Variants in RANBP17 observed in about 807,000 individuals in gnomAD.
The protein encoded by RANBP17 is RAN binding protein 17.
In RANBP17, 158 loss-of-function variants were observed where a neutral mutation model predicts 141.2. That is an observed-to-expected ratio of 1.12 (90% CI 0.98 to 1.28). RANBP17 has a LOEUF of 1.28. RANBP17 is among the 50% of genes most tolerant of loss of function. RANBP17 has a pLI of 0.00. For synonymous variants in RANBP17, 430 were observed against 450.0 expected (o/e 0.96, Z 0.56); for missense variants, 1,438 against 1,290.7 (o/e 1.11, Z -1.75).
chr5:171,017,462 G>C (rs1349316292), intron 14 of RANBP17, among the ~76,000 whole-genome samples: 2 of 152,088 alleles, frequency 1.3e-5, no homozygotes, highest in Non-Finnish European at 2.9e-5. Context: ...GGTGTGTTAT[G>C]GTATCTCATT....
At chr5:170,996,967 G>C (rs1778856947) in intron 14 of RANBP17, among the ~76,000 whole-genome samples, 1 of 152,110 alleles carries the variant, frequency 6.6e-6, no homozygotes, top group Admixed American at 6.6e-5. Flanking sequence ...TAAGCTTTGT[G>C]TCCCCACCCA....
chr5:171,131,045 C>T (rs143973371), intron 14 of RANBP17, among the ~76,000 whole-genome samples: 1 of 152,118 alleles, frequency 6.6e-6, no homozygotes, highest in Non-Finnish European at 1.5e-5. Flanking sequence ...TTTTCAGTTA[C>T]ACAGAATTGG....
intron 27 of RANBP17, among the ~76,000 whole-genome samples, chr5:171,296,702 C>T (rs1378946492): frequency 6.6e-6 from 1 of 152,220 alleles, no homozygotes; most frequent in African/African-American, 2.4e-5. Flanking sequence ...CACCTGAGGT[C>T]AGGAGTTTGA....
intron 1 of RANBP17, among the ~76,000 whole-genome samples, chr5:170,862,360 T>C (rs1766867906): frequency 6.6e-6 from 1 of 152,202 alleles, no homozygotes; most frequent in Non-Finnish European, 1.5e-5. Context: ...GCACGCTCGC[T>C]GACCGCGGCT....
In RANBP17 at chr5:171,205,617, C is replaced by T; in HGVS notation, c.2231+5C>T. The T allele has an allele frequency of 6.2e-7, 1 of 1,607,956 alleles. No homozygotes were observed. Among genetic ancestry groups the T allele is most frequent in the Non-Finnish European group, 8.5e-7 (1 of 1,174,512 alleles). ...CACCATGCTGTTTGACTGGATGTAT[C>T]CTTATTACACTGTGACAATACCAGC... On this transcript the variant is annotated splice_donor_5th_base_variant and intron_variant, in intron 20 of 27. Coordinates refer to ENST00000523189, the MANE Select transcript of RANBP17 (RefSeq NM_022897.5).
intron 18 of RANBP17, among the ~76,000 whole-genome samples, chr5:171,196,221 G>C (rs574983031): frequency 3.9e-5 from 6 of 152,306 alleles, no homozygotes; most frequent in African/African-American, 1.4e-4. Flanking sequence ...AGTGGTCAGG[G>C]AAGGCCTCTC....
intron 20 of RANBP17, among the ~76,000 whole-genome samples, chr5:171,208,165 T>TA (rs1230153725): frequency 1.2e-4 from 19 of 152,234 alleles, no homozygotes; most frequent in South Asian, 2.1e-4. Flanking sequence ...CATGTCATCT[T>TA]AAAGTCAAAA....
At chr5:170,933,010 G>C (rs1293294470) in intron 12 of RANBP17, among the ~76,000 whole-genome samples, 1 of 152,104 alleles carries the variant, frequency 6.6e-6, no homozygotes, top group Non-Finnish European at 1.5e-5. Context: ...TTGTACCTCT[G>C]GTAGAATTCG....
chr5:171,154,703 G>A (rs926603515), intron 14 of RANBP17, among the ~76,000 whole-genome samples: 1 of 152,164 alleles, frequency 6.6e-6, no homozygotes, highest in Non-Finnish European at 1.5e-5. Context: ...TTGTCAAACA[G>A]TGAAAACAGG....
At position 170,907,877 on chromosome 5, in the gene RANBP17, C is replaced by T. The variant is rs551984730; in HGVS notation, c.490-1784C>T. On this transcript the variant is annotated intron_variant, in intron 5 of 27. Transcript: ENST00000523189. Reference sequence around the variant, plus strand: ...ATTAAAAATAAGCAAAAGACATGAACAGACACTTCTCAAAAGAAGGCAAGT... The same window carrying T: ...ATTAAAAATAAGCAAAAGACATGAATAGACACTTCTCAAAAGAAGGCAAGT... Among the ~76,000 whole-genome samples the T allele has an allele frequency of 2.6e-5, 4 of 151,840 alleles. No individual in the cohort carries two copies. In the East Asian group the frequency reaches 7.7e-4, roughly 29 times the overall value.
chr5:170,955,653 T>TAC lies in RANBP17; in HGVS notation c.1574+1952_1574+1953insCA, dbSNP rs1295228378. Among the ~76,000 whole-genome samples the TAC allele has an allele frequency of 1.1e-4, 4 of 35,442 alleles. 1 individual carries two copies. The Admixed American group carries it at 1.3e-3, about 11-fold the overall frequency. The allele number at this position is 35,442 out of a possible 152,430, so 23.3% of individuals were successfully genotyped here. ...TATATATATATATGCTCAGTGTATATATATATATATATATATATATATATA... is the reference window on the plus strand; with the variant it reads ...TATATATATATATGCTCAGTGTATATACATATATATATATATATATATATATA... On this transcript the variant is annotated intron_variant, in intron 13 of 27. Coordinates refer to ENST00000523189, the MANE Select transcript of RANBP17 (RefSeq NM_022897.5).
intron 14 of RANBP17, among the ~76,000 whole-genome samples, chr5:171,138,425 C>T (rs566938665): frequency 6.6e-6 from 1 of 151,980 alleles, no homozygotes; most frequent in Admixed American, 6.6e-5. Context: ...TGAGTGTGGG[C>T]TGGCAAGAGA....
intron 5 of RANBP17, among the ~76,000 whole-genome samples, chr5:170,902,561 G>A (rs931546868): frequency 2.6e-5 from 4 of 152,124 alleles, no homozygotes; most frequent in Non-Finnish European, 4.4e-5. Context: ...TTGTTCCCTT[G>A]TTGGCGAGGA....
At chr5:170,893,548 C>G (rs573188575) in intron 4 of RANBP17, among the ~76,000 whole-genome samples, 1 of 152,102 alleles carries the variant, frequency 6.6e-6, no homozygotes, top group African/African-American at 2.4e-5. Context: ...AATCCCAGCA[C>G]TTTGGGAGGC....
At chr5:170,963,860 A>T (rs1776322736) in intron 13 of RANBP17, among the ~76,000 whole-genome samples, 1 of 152,244 alleles carries the variant, frequency 6.6e-6, no homozygotes, top group Non-Finnish European at 1.5e-5. Flanking sequence ...TTACAGTTCA[A>T]TTATAGACAA....
chr5:170,953,099 C>T (rs1214249254), intron 12 of RANBP17, among the ~76,000 whole-genome samples: 1 of 152,014 alleles, frequency 6.6e-6, no homozygotes, highest in Non-Finnish European at 1.5e-5. Context: ...TTATTACTAT[C>T]TATTATGTTC....
chr5:171,210,622 C>A (rs1439433678), intron 20 of RANBP17, among the ~76,000 whole-genome samples: 2 of 152,160 alleles, frequency 1.3e-5, no homozygotes, highest in African/African-American at 4.8e-5. Context: ...ACCTGTACCC[C>A]TGTGGCATTG....
At position 171,147,925 on chromosome 5, in the gene RANBP17, A is replaced by G. The variant is rs376137415; in HGVS notation, c.1711-22205A>G. On this transcript the variant is annotated intron_variant, in intron 14 of 27. Coordinates refer to ENST00000523189, the MANE Select transcript of RANBP17 (RefSeq NM_022897.5). ...TCATTGAGAACGGGCCATGATGACA[A>G]TGGCGGTTTTGTGGAATAGAAAGGC... is the stretch of plus-strand genomic sequence containing the variant. Among the ~76,000 whole-genome samples, 197 of 152,278 alleles carry G rather than the reference A, an allele frequency of 1.3e-3. 9 individuals are homozygous for G. In the South Asian group the frequency reaches 0.039, roughly 30 times the overall value.
chr5:171,165,673 A>T (rs947962025), intron 14 of RANBP17, among the ~76,000 whole-genome samples: 6 of 152,210 alleles, frequency 3.9e-5, no homozygotes, highest in Non-Finnish European at 4.4e-5. Flanking sequence ...ATGTAAAGAG[A>T]AATAGACATT....
Sources: allele counts gnomAD v4.1 joint callset (sites outside exome capture counted in the v4.1 genomes callset), GRCh38; gene constraint gnomAD v4.1.1; transcripts MANE v1.5; gene names NCBI Gene and HGNC (gene_info 2026-07-23, HGNC 2026-07-21).